Variants in PAN3 observed in about 807,000 individuals in gnomAD.
The protein encoded by PAN3 is PAN2-PAN3 deadenylation complex subunit PAN3.
A neutral mutation model predicts 96.2 loss-of-function variants in PAN3; 19 were observed. The ratio of observed to expected loss-of-function variants is 0.20; its 90% CI spans 0.14 to 0.29. The LOEUF (loss-of-function observed/expected upper bound fraction) is 0.29, where lower values mean the gene tolerates loss of function less well. Ranked by LOEUF, PAN3 falls within the 10% of genes least tolerant of loss-of-function variation. PAN3 has a pLI of 1.00. For synonymous variants in PAN3, 433 were observed against 406.6 expected (o/e 1.06, Z -0.78); for missense variants, 882 against 1,108.1 (o/e 0.80, Z 2.90).
chr13:28,216,818 TAAA>T (rs34397568), intron 5 of PAN3, among the ~76,000 whole-genome samples: 1 of 147,648 alleles, frequency 6.8e-6, no homozygotes, highest in African/African-American at 2.5e-5. Context: ...TCCATCTAAT[TAAA>T]AAAAAAAAAT....
At chr13:28,199,136 A>T (rs1310143577) in intron 5 of PAN3, among the ~76,000 whole-genome samples, 2 of 152,146 alleles carry the variant, frequency 1.3e-5, no homozygotes, top group Non-Finnish European at 2.9e-5. Flanking sequence ...ACGGGTTGTT[A>T]CAATTAGTTT....
chr13:28,150,695 A>G (rs1022190310), intron 1 of PAN3, among the ~76,000 whole-genome samples: 8 of 151,978 alleles, frequency 5.3e-5, no homozygotes, highest in Non-Finnish European at 1.2e-4. Context: ...AAAAACTTAG[A>G]TTATGACAAG....
At chr13:28,263,781 T>C (rs1885930213) in intron 9 of PAN3, among the ~76,000 whole-genome samples, 1 of 152,246 alleles carries the variant, frequency 6.6e-6, no homozygotes, top group Admixed American at 6.5e-5. Context: ...GTGTATTTTA[T>C]CTACTTTTAA....
At chr13:28,236,945 G>C (rs1566214431) in intron 6 of PAN3, among the ~76,000 whole-genome samples, 1 of 152,172 alleles carries the variant, frequency 6.6e-6, no homozygotes, top group African/African-American at 2.4e-5. Context: ...TTAAATATCA[G>C]CTCTCTAAAA....
intron 6 of PAN3, 89 bp downstream of exon 6, chr13:28,220,467 C>A: frequency 7.1e-7 from 1 of 1,417,586 alleles, no homozygotes; most frequent in South Asian, 1.5e-5. Flanking sequence ...AAATTGTATA[C>A]TTGAATGATT....
At chr13:28,215,602 C>T in intron 5 of PAN3, 1 of 889,246 alleles carries the variant, frequency 1.1e-6, no homozygotes, top group Non-Finnish European at 1.8e-6. Flanking sequence ...AATTGCCACA[C>T]AGCCCATGTT....
In PAN3 at chr13:28,210,604, C is replaced by CT. The variant is rs1329586466; in HGVS notation, c.853-9617dup. Among the ~76,000 whole-genome samples, 515 of 148,624 alleles carry CT rather than the reference C, an allele frequency of 3.5e-3. 2 individuals carry two copies. Among genetic ancestry groups the CT allele is most frequent in the African/African-American group, 0.012 (482 of 40,546 alleles). On this transcript the variant is annotated intron_variant, in intron 5 of 18. Coordinates refer to ENST00000380958, the MANE Select transcript of PAN3 (RefSeq NM_175854.8). ...CATTGTATTTAGGTGTCACTTTTAA[C>CT]TTTTTTTTTTAATTAAACTTTGCAG... is the stretch of plus-strand genomic sequence containing the variant.
chr13:28,203,884 T>A (rs551602027), intron 5 of PAN3, among the ~76,000 whole-genome samples: 2 of 150,120 alleles, frequency 1.3e-5, no homozygotes, highest in African/African-American at 2.5e-5. Context: ...GCTCACTGCA[T>A]CCTCCACCTT....
chr13:28,177,519 A>G (rs947446570), intron 3 of PAN3, among the ~76,000 whole-genome samples: 5 of 151,976 alleles, frequency 3.3e-5, no homozygotes, highest in African/African-American at 1.2e-4. Flanking sequence ...TTCCCAAGAT[A>G]TGGTCTCAAG....
intron 1 of PAN3, among the ~76,000 whole-genome samples, chr13:28,155,580 C>G (rs1189305430): frequency 2.0e-5 from 3 of 151,988 alleles, no homozygotes; most frequent in Non-Finnish European, 2.9e-5. Context: ...CAGAGTGAGA[C>G]TCCATCTCGA....
chr13:28,143,154 G>A (rs1870098739), intron 1 of PAN3, among the ~76,000 whole-genome samples: 1 of 151,446 alleles, frequency 6.6e-6, no homozygotes. Context: ...AGTTCTTGCT[G>A]TGTTGTCTAG....
chr13:28,263,714 T>A (rs1885925500), intron 9 of PAN3, among the ~76,000 whole-genome samples: 2 of 152,330 alleles, frequency 1.3e-5, no homozygotes, highest in Non-Finnish European at 2.9e-5. Flanking sequence ...TCAAATAGAT[T>A]AAGAACTTAC....
chr13:28,198,465 A>G (rs1478508498), intron 5 of PAN3, among the ~76,000 whole-genome samples: 1 of 152,244 alleles, frequency 6.6e-6, no homozygotes, highest in African/African-American at 2.4e-5. Context: ...GTATGTTGTC[A>G]TAGAGTCATT....
rs1281358644 is a variant in PAN3 at position 28,287,840 on chromosome 13, A to AT, written c.2385-138dup. ...ATAGACTTACTAGTTCAGTTAGATT[A>AT]TTTTTTAAAAACACTGTACCAGACT... On this transcript the variant is annotated intron_variant, in intron 17 of 18. Transcript: ENST00000380958. 2.8e-5 allele frequency: 18 copies of AT among 645,298 alleles called. No homozygotes were observed. In the East Asian group the frequency reaches 4.6e-4, roughly 16 times the overall value. The allele number at this position is 645,298 out of a possible 1,614,324, so 40.0% of individuals were successfully genotyped here.
intron 1 of PAN3, among the ~76,000 whole-genome samples, chr13:28,162,496 G>A (rs924019157): frequency 2.6e-5 from 4 of 151,940 alleles, no homozygotes; most frequent in Non-Finnish European, 4.4e-5. Flanking sequence ...ACCAGCCTGG[G>A]CAACATGGCG....
At chr13:28,203,716 T>C (rs1879015451) in intron 5 of PAN3, among the ~76,000 whole-genome samples, 1 of 152,212 alleles carries the variant, frequency 6.6e-6, no homozygotes, top group Non-Finnish European at 1.5e-5. Flanking sequence ...ATTCTTGCTA[T>C]TTTTTAATCT....
chr13:28,222,379 C>T (rs1450558085), intron 6 of PAN3, among the ~76,000 whole-genome samples: 1 of 152,110 alleles, frequency 6.6e-6, no homozygotes, highest in Non-Finnish European at 1.5e-5. Flanking sequence ...TCTAGCTCCT[C>T]TTAACAATGA....
At chr13:28,211,520 C>T (rs550641627) in intron 5 of PAN3, among the ~76,000 whole-genome samples, 4 of 152,208 alleles carry the variant, frequency 2.6e-5, no homozygotes, top group South Asian at 2.1e-4. Flanking sequence ...CTTGAAAAAC[C>T]GACTTTATAA....
chr13:28,213,361 A>G (rs1880288640), intron 5 of PAN3, among the ~76,000 whole-genome samples: 1 of 152,110 alleles, frequency 6.6e-6, no homozygotes, highest in Non-Finnish European at 1.5e-5. Context: ...ATACTGAAAA[A>G]CCACCGTAGT....
Sources: gnomAD v4.1 joint callset for allele counts (sites outside exome capture counted in the v4.1 genomes callset) on GRCh38, gnomAD v4.1.1 for gene constraint, MANE v1.5 for transcripts, NCBI Gene and HGNC (gene_info 2026-07-23, HGNC 2026-07-21) for gene names.